The following BCL9 variants were observed in gnomAD, a reference collection of about 807,000 sequenced individuals.
BCL9 encodes BCL9 transcription coactivator, also known as B-cell CLL/lymphoma 9 protein.
A neutral mutation model predicts 88.5 loss-of-function variants in BCL9; 25 were observed. That is an observed-to-expected ratio of 0.28 (90% CI 0.21 to 0.39). The LOEUF (loss-of-function observed/expected upper bound fraction) is 0.39, where lower values mean the gene tolerates loss of function less well. Ranked by LOEUF, BCL9 falls within the 10% of genes least tolerant of loss-of-function variation. The pLI is 1.00. For synonymous variants in BCL9, 711 were observed against 673.3 expected, an observed-to-expected ratio of 1.06 and a Z score of -0.87; for missense variants, 1,817 against 1,877.8, an observed-to-expected ratio of 0.97 and a Z score of 0.60.
chr1:147,567,110 A>G (rs1655640044), intron 1 of BCL9, among the ~76,000 whole-genome samples: 2 of 152,208 alleles, frequency 1.3e-5, no homozygotes, highest in South Asian at 4.1e-4. Flanking sequence ...ACTTAGTGAA[A>G]TGATTATGTA....
rs1348492072 is a variant in BCL9 at position 147,625,598 on chromosome 1, G to C, written c.*639G>C. Reference sequence around the variant, plus strand: ...TTCAGCGAGGGGTGGGGGGAGGGGGGAGATTTTTCTTTTGAAAAATAATGA... The same window carrying C: ...TTCAGCGAGGGGTGGGGGGAGGGGGCAGATTTTTCTTTTGAAAAATAATGA... On this transcript the variant is annotated 3_prime_UTR_variant, in exon 10 of 10. Coordinates refer to ENST00000234739, the MANE Select transcript of BCL9 (RefSeq NM_004326.4). The C allele has an allele frequency of 4.7e-6, 1 of 210,534 alleles. No individual in the cohort carries two copies. Among genetic ancestry groups the C allele is most frequent in the East Asian group, 7.0e-5 (1 of 14,324 alleles). 13.0% of individuals were successfully genotyped at this position (210,534 alleles called of 1,614,324 possible).
intron 3 of BCL9, among the ~76,000 whole-genome samples, chr1:147,607,365 A>G (rs1378091495): frequency 1.3e-5 from 2 of 152,178 alleles, no homozygotes; most frequent in East Asian, 1.9e-4. Context: ...TTTAAAGCAA[A>G]TACTATGTGC....
intron 1 of BCL9, among the ~76,000 whole-genome samples, chr1:147,551,799 A>G (rs1654915278): frequency 6.6e-6 from 1 of 152,200 alleles, no homozygotes; most frequent in Admixed American, 6.5e-5. Flanking sequence ...TAGCAAATAA[A>G]TTTCTTTTCT....
At position 147,620,515 on chromosome 1, in the gene BCL9, T is replaced by G. The variant is rs782269777; in HGVS notation, c.2360T>G (p.Met787Arg). 1 of 1,614,142 alleles carries G rather than the reference T, an allele frequency of 6.2e-7. No homozygotes were observed. The highest frequency in any genetic ancestry group is 1.1e-5 in the South Asian group (1 of 91,078). ...YGMGPRPFLP[M>R]SQGPGSNSGL... ...ATGGGCCCCAGACCATTCCTTCCCA[T>G]GTCTCAGGGTCCAGGCAGCAACAGT... The change falls in exon 8 of 10, where the codon ATG (methionine) becomes AGG (arginine). Residue 787 changes from methionine (M) to arginine (R), a missense_variant. Met to Arg is a moderately conservative substitution (Grantham distance 91). Around this residue, in one of 2 missense-constraint regions of BCL9, gnomAD observed 1,228 missense variants for 1,191.6 expected, o/e 1.03. Transcript: ENST00000234739.
chr1:147,543,939 C>T (rs954784305), intron 1 of BCL9, among the ~76,000 whole-genome samples: 1 of 152,212 alleles, frequency 6.6e-6, no homozygotes, highest in Admixed American at 6.5e-5. Context: ...GCAGCACACT[C>T]TGCCCTGCTC....
chr1:147,588,307 A>T (rs1193024572), intron 1 of BCL9, among the ~76,000 whole-genome samples: 7 of 151,210 alleles, frequency 4.6e-5, no homozygotes, highest in African/African-American at 1.7e-4. Flanking sequence ...CCTCAATATG[A>T]TGTGGGTGGT....
rs1171864595 is a variant in BCL9 at position 147,558,673 on chromosome 1, C to T, written c.-478+16999C>T. 3.9e-5 allele frequency among the ~76,000 whole-genome samples: 6 copies of T among 152,124 alleles called. No individual in the cohort carries two copies. The East Asian group carries it at 9.6e-4, about 24-fold the overall frequency. ...TCCTGTATTTGAAAACAGGTGTGAG[C>T]GTCCCCCGAAGACTTCTTTTCTTCC... On this transcript the variant is annotated intron_variant, in intron 1 of 9. Coordinates refer to ENST00000234739, the MANE Select transcript of BCL9 (RefSeq NM_004326.4).
intron 2 of BCL9, among the ~76,000 whole-genome samples, chr1:147,605,311 C>T (rs1657634985): frequency 6.6e-6 from 1 of 152,042 alleles, no homozygotes; most frequent in South Asian, 2.1e-4. Flanking sequence ...ATGACAGTGC[C>T]CTCAGAGAGT....
intron 8 of BCL9, among the ~76,000 whole-genome samples, chr1:147,621,793 A>AAC (rs1553205452): frequency 6.6e-6 from 1 of 152,098 alleles, no homozygotes; most frequent in Admixed American, 6.5e-5. Context: ...GCCCCCTCAG[A>AAC]CCTTCTTGGT....
chr1:147,590,340 AC>A (rs1366714486), intron 1 of BCL9, among the ~76,000 whole-genome samples: 1 of 152,208 alleles, frequency 6.6e-6, no homozygotes, highest in African/African-American at 2.4e-5. Flanking sequence ...GTAAGCTGCT[AC>A]AATCTTCTTC....
rs1658926887 is a variant in BCL9, at chr1:147,625,953, T to G, written c.*994T>G. On this transcript the variant is annotated 3_prime_UTR_variant, in exon 10 of 10. Transcript: ENST00000234739. ...TTTTTTCCCCCTAAGTCTTTCTCTT[T>G]CCCATCATACCCTTCCCTGCCCACC... 4.3e-6 allele frequency: 1 copy of G among 232,792 alleles called. No homozygotes were observed. The highest frequency in any genetic ancestry group is 2.2e-5 in the African/African-American group (1 of 45,396). The allele number at this position is 232,792 out of a possible 1,614,324, so 14.4% of individuals were successfully genotyped here. A position where few individuals can be genotyped will look rare whatever the true frequency, so the allele number is the denominator to read the frequency against.
intron 1 of BCL9, among the ~76,000 whole-genome samples, chr1:147,542,765 AC>A (rs1654392731): frequency 6.6e-6 from 1 of 151,934 alleles, no homozygotes; most frequent in Non-Finnish European, 1.5e-5. Context: ...TCCTCCTTGT[AC>A]GTATTTTTGT....
intron 1 of BCL9, among the ~76,000 whole-genome samples, chr1:147,553,608 T>C (rs909709143): frequency 4.6e-5 from 7 of 152,332 alleles, no homozygotes; most frequent in African/African-American, 1.4e-4. Flanking sequence ...CTCAACTGAA[T>C]TGAATTCTTG....
Position 147,615,402 on chromosome 1 carries a change from T to C in BCL9, c.561-401T>C, listed in dbSNP as rs1261442872. On this transcript the variant is annotated intron_variant, in intron 6 of 9. Transcript: ENST00000234739. ...CCCTACATATATGGTTTTCTGACTT[T>C]TTTTCCACTTAAGATAAAAAGTGAA... is the stretch of plus-strand genomic sequence containing the variant. Among the ~76,000 whole-genome samples the C allele has an allele frequency of 4.6e-5, 7 of 152,318 alleles. No individual in the cohort carries two copies. The East Asian group carries it at 9.6e-4, about 21-fold the overall frequency.
intron 1 of BCL9, among the ~76,000 whole-genome samples, chr1:147,573,270 G>C (rs192768918): frequency 6.8e-4 from 104 of 152,300 alleles, no homozygotes; most frequent in African/African-American, 2.4e-3. Flanking sequence ...GACTAACATG[G>C]TGAAACCCCA....
At chr1:147,608,039 A>C (rs1657810913) in intron 3 of BCL9, among the ~76,000 whole-genome samples, 1 of 152,166 alleles carries the variant, frequency 6.6e-6, no homozygotes, top group African/African-American at 2.4e-5. Context: ...GAAGGCCTGG[A>C]GAGGTGGGAG....
At chr1:147,545,301 G>A (rs1654513836) in intron 1 of BCL9, among the ~76,000 whole-genome samples, 2 of 152,156 alleles carry the variant, frequency 1.3e-5, no homozygotes, top group South Asian at 4.1e-4. Flanking sequence ...CACTTCATTT[G>A]CAAGTCTTTG....
At chr1:147,580,320 A>G (rs1160057672) in intron 1 of BCL9, among the ~76,000 whole-genome samples, 1 of 152,186 alleles carries the variant, frequency 6.6e-6, no homozygotes, top group African/African-American at 2.4e-5. Flanking sequence ...CCTAACACAC[A>G]TCTGAATGTA....
chr1:147,543,003 A>G (rs1016020146), intron 1 of BCL9, among the ~76,000 whole-genome samples: 1 of 152,196 alleles, frequency 6.6e-6, no homozygotes, highest in African/African-American at 2.4e-5. Context: ...GTACGAGGCT[A>G]AGAATGTGAA....
Sources: gnomAD v4.1 joint callset for allele counts (sites outside exome capture counted in the v4.1 genomes callset) on GRCh38, gnomAD v4.1.1 for gene constraint, gnomAD v4.1.1 regional missense constraint, MANE v1.5 for transcripts, NCBI Gene and HGNC (gene_info 2026-07-23, HGNC 2026-07-21) for gene names.